IGLL5: variants seen among roughly 807,000 people sequenced by gnomAD.
IGLL5 encodes the protein immunoglobulin lambda like polypeptide 5, also known as immunoglobulin lambda-like polypeptide 5.
Under a neutral mutation model 20.9 loss-of-function variants are expected in IGLL5, and 30 were observed. The ratio of observed to expected loss-of-function variants is 1.44; its 90% CI spans 1.07 to 1.95. The LOEUF (loss-of-function observed/expected upper bound fraction) is 1.95, where lower values mean the gene tolerates loss of function less well. Ranked by LOEUF, IGLL5 falls within the 30% of genes most tolerant of loss-of-function variation. The pLI is 0.00. For missense variants in IGLL5, 475 were observed against 270.7 expected (o/e 1.75, Z -5.30); for synonymous variants, 203 against 117.3 (o/e 1.73, Z -4.72).
chr22:22,891,286 T>C (rs2146014199), intron 1 of IGLL5, among the ~76,000 whole-genome samples: 1 of 151,348 alleles, frequency 6.6e-6, no homozygotes, highest in African/African-American at 2.4e-5. Flanking sequence ...AATAAGACCT[T>C]ATTTTCCAAA....
intron 2 of IGLL5, among the ~76,000 whole-genome samples, chr22:22,894,764 C>T (rs2066694889): frequency 1.3e-5 from 2 of 151,220 alleles, no homozygotes; most frequent in African/African-American, 2.4e-5. Flanking sequence ...CTTGTGGAGA[C>T]AGGAAACATC....
chr22:22,888,396 A>AATGG, intron 1 of IGLL5, 137 bp downstream of exon 1: 1 of 676,704 alleles, frequency 1.5e-6, no homozygotes, highest in Non-Finnish European at 2.5e-6. Context: ...TGGCTTTAGT[A>AATGG]ATGGGTTGAT....
At chr22:22,888,653 T>G (rs12170809) in intron 1 of IGLL5, among the ~76,000 whole-genome samples, 1 of 151,280 alleles carries the variant, frequency 6.6e-6, no homozygotes, top group South Asian at 2.1e-4. Context: ...TCTGCCCATG[T>G]GCCTCCTGCC....
chr22:22,893,943 C>T (rs747947020), intron 2 of IGLL5, 125 bp downstream of exon 2: 8 of 753,408 alleles, frequency 1.1e-5, no homozygotes, highest in Admixed American at 3.9e-5. Flanking sequence ...TTACCTTTCT[C>T]CATGGGGCCT....
At chr22:22,889,992 C>T (rs2067767397) in intron 1 of IGLL5, among the ~76,000 whole-genome samples, 1 of 150,924 alleles carries the variant, frequency 6.6e-6, no homozygotes, top group Admixed American at 6.6e-5. Flanking sequence ...GGGATTTCAC[C>T]TAATTTTAAT....
chr22:22,888,507 A>T (rs543680524), intron 1 of IGLL5, among the ~76,000 whole-genome samples: 3 of 151,316 alleles, frequency 2.0e-5, no homozygotes, highest in East Asian at 2.0e-4. Context: ...TTAAATTTTC[A>T]CCAGGGTCAG....
chr22:22,888,707 T>A (rs771784051), intron 1 of IGLL5, among the ~76,000 whole-genome samples: 1 of 151,178 alleles, frequency 6.6e-6, no homozygotes, highest in Non-Finnish European at 1.5e-5. Context: ...AGCAAGGGCT[T>A]GGTTTGGTCT....
In IGLL5 at chr22:22,894,009, C is replaced by T. The variant is rs565499925; in HGVS notation, c.325+191C>T. On this transcript the variant is annotated intron_variant, in intron 2 of 2. Transcript: ENST00000526893. ...GCAGGAAGGGCCTCCACAGTGGGAG[C>T]AGCCGGATGCAGCCTGGTCCCGGGG... Among the ~76,000 whole-genome samples, 9 of 151,472 alleles carry T rather than the reference C, an allele frequency of 5.9e-5. 1 individual carries two copies. The highest frequency in any genetic ancestry group is 4.0e-4 in the East Asian group (2 of 4,990).
intron 2 of IGLL5, among the ~76,000 whole-genome samples, chr22:22,894,302 A>G (rs960880607): frequency 2.0e-5 from 3 of 151,306 alleles, no homozygotes; most frequent in Non-Finnish European, 2.9e-5. Context: ...CGGCCTGGTG[A>G]CACAGAGGTC....
rs777478984 is a variant in IGLL5, at chr22:22,893,757, T to C, written c.264T>C (p.Phe88=). Residue 88 remains phenylalanine, a synonymous_variant, in exon 2 of 3, where the codon TTT becomes TTC. Transcript: ENST00000526893. ...ACCCCAGGTGCTGGCCCCGGGGGTT[T>C]TGGTCTGAGCCTCAGTCACTGTGTT... is the stretch of plus-strand genomic sequence containing the variant. ...RADPRCWPRG[F]WSEPQSLCYV... 1 of 1,606,550 alleles carries C rather than the reference T, an allele frequency of 6.2e-7. No homozygotes were observed.
In IGLL5 at chr22:22,888,227, C is replaced by G. The variant is rs538609996; in HGVS notation, c.174C>G (p.Ser58Arg). 6.5e-7 allele frequency: 1 copy of G among 1,548,064 alleles called. No homozygotes were observed. The highest frequency in any genetic ancestry group is 2.0e-5 in the Admixed American group (1 of 50,764). ...GDPDPGASVG[S>R]SRSSLRSLWG... is the part of the protein sequence containing the mutation. ...CAGACCCTGGAGCCTCAGTTGGAAG[C>G]AGCCGATCCAGCCTGCGGAGCCTGT... Residue 58 changes from serine to arginine, a missense_variant, in exon 1 of 3, where the codon AGC becomes AGG. Coordinates refer to ENST00000526893, the MANE Select transcript of IGLL5 (RefSeq NM_001178126.2).
chr22:22,890,248 T>G (rs376036933), intron 1 of IGLL5, among the ~76,000 whole-genome samples: 1 of 149,044 alleles, frequency 6.7e-6, no homozygotes, highest in South Asian at 2.2e-4. Flanking sequence ...TTCCCAGAGA[T>G]AGCCACTGTC....
intron 2 of IGLL5, among the ~76,000 whole-genome samples, chr22:22,894,763 A>G (rs2066694797): frequency 6.6e-6 from 1 of 151,130 alleles, no homozygotes; most frequent in Non-Finnish European, 1.5e-5. Flanking sequence ...GCTTGTGGAG[A>G]CAGGAAACAT....
chr22:22,894,083 A>T (rs558378819), intron 2 of IGLL5, among the ~76,000 whole-genome samples: 2 of 151,452 alleles, frequency 1.3e-5, no homozygotes, highest in African/African-American at 4.8e-5. Context: ...CTTCCAGGGC[A>T]GATGTCTGAG....
intron 2 of IGLL5, 141 bp downstream of exon 2, chr22:22,893,959 A>C (rs2067956611): frequency 7.2e-6 from 5 of 699,232 alleles, no homozygotes; most frequent in Admixed American, 2.1e-5. Context: ...GGCCTGGAGG[A>C]GGTGCATTAG....
intron 1 of IGLL5, among the ~76,000 whole-genome samples, chr22:22,889,306 G>A (rs552926439): frequency 1.3e-5 from 2 of 151,118 alleles, no homozygotes; most frequent in East Asian, 2.0e-4. Context: ...TGAGGGCTGA[G>A]CAGAGGGGAG....
At chr22:22,894,734 T>A (rs1190605925) in intron 2 of IGLL5, among the ~76,000 whole-genome samples, 1 of 150,794 alleles carries the variant, frequency 6.6e-6, no homozygotes, top group Admixed American at 6.6e-5. Flanking sequence ...ACAGCTGAGG[T>A]GAAGGGTTCT....
chr22:22,893,923 GCACT>G lies in IGLL5; in HGVS notation c.325+106_325+109del. 2 of 828,272 alleles carry G rather than the reference GCACT, an allele frequency of 2.4e-6. 1 individual carries two copies. The highest frequency in any genetic ancestry group is 4.2e-6 in the Non-Finnish European group (2 of 476,756). 51.3% of individuals were successfully genotyped at this position (828,272 alleles called of 1,614,324 possible). ...CTCCCCTCTGTCCTCCCAGCCTTAA[GCACT>G]GACCCTTACCTTTCTCCATGGGGCC... On this transcript the variant is annotated intron_variant, in intron 2 of 2. Transcript: ENST00000526893.
intron 1 of IGLL5, 50 bp downstream of exon 1, chr22:22,888,309 G>C (rs190447277): frequency 5.3e-6 from 8 of 1,523,168 alleles, no homozygotes; most frequent in East Asian, 4.9e-5. Flanking sequence ...AGCAGAGCTG[G>C]GAAAGGGTGA....
Sources: allele counts gnomAD v4.1 joint callset (sites outside exome capture counted in the v4.1 genomes callset), GRCh38; gene constraint gnomAD v4.1.1; transcripts MANE v1.5; gene names NCBI Gene and HGNC (gene_info 2026-07-23, HGNC 2026-07-21).